Variants in NSD1 observed in about 807,000 individuals in gnomAD.
The protein encoded by NSD1 is histone-lysine N-methyltransferase, H3 lysine-36 specific.
In NSD1, 26 loss-of-function variants were observed where a neutral mutation model predicts 242.7. The observed-to-expected ratio is 0.11, with a 90% CI of 0.08 to 0.15. NSD1 has a LOEUF of 0.15. NSD1 is among the 10% of genes least tolerant of loss of function. NSD1 has a pLI of 1.00. For synonymous variants in NSD1, 1,106 were observed against 1,178.1 expected, an observed-to-expected ratio of 0.94 and a Z score of 1.25; for missense variants, 2,495 against 3,272.8, an observed-to-expected ratio of 0.76 and a Z score of 5.80.
intron 2 of NSD1, among the ~76,000 whole-genome samples, chr5:177,186,058 CATATA>C (rs372844139): frequency 0.047 from 4,541 of 96,570 alleles, 335 homozygotes; most frequent in African/African-American, 0.17. Flanking sequence ...TATAATATAA[CATATA>C]ATATATGTTA....
rs1390945873 is a variant in NSD1 at position 177,297,701 on chromosome 5, T to C, written c.*2242T>C. On this transcript the variant is annotated 3_prime_UTR_variant, in exon 23 of 23. Transcript: ENST00000439151. ...GGGCGTGCAGGCCATGTAAAAATTT[T>C]CCGTGGAGAAGTTTGATTCTAAAGT... 1 of 232,406 alleles carries C rather than the reference T, an allele frequency of 4.3e-6. No homozygotes were observed. The highest frequency in any genetic ancestry group is 8.5e-6 in the Non-Finnish European group (1 of 117,688). 14.4% of individuals were successfully genotyped at this position (232,406 alleles called of 1,614,324 possible).
At position 177,213,630 on chromosome 5, in the gene NSD1, G is replaced by A. The variant is rs182590485; in HGVS notation, c.3796+1435G>A. Among the ~76,000 whole-genome samples, 663 of 152,230 alleles carry A rather than the reference G, an allele frequency of 4.4e-3. 6 individuals carry two copies. The highest frequency in any genetic ancestry group is 0.015 in the African/African-American group (633 of 41,534). On this transcript the variant is annotated intron_variant, in intron 5 of 22. Coordinates refer to ENST00000439151, the MANE Select transcript of NSD1 (RefSeq NM_022455.5). ...CTACAGGCGCCCGCCACCACACCCA[G>A]CTAATTTTTTTTTGTATTTTTAGTA...
intron 7 of NSD1, among the ~76,000 whole-genome samples, chr5:177,239,140 A>T (rs1166951737): frequency 6.6e-6 from 1 of 152,168 alleles, no homozygotes; most frequent in African/African-American, 2.4e-5. Flanking sequence ...TAAATTTTGG[A>T]TATAACTTTT....
intron 8 of NSD1, among the ~76,000 whole-genome samples, chr5:177,243,447 C>A (rs954958741): frequency 1.3e-5 from 2 of 152,146 alleles, no homozygotes. Flanking sequence ...ATCTGCCCCC[C>A]TCGGCCTCCC....
At chr5:177,207,951 ACAGGGTCTGGTTGTGTTACC>A (rs1763030213) in intron 4 of NSD1, among the ~76,000 whole-genome samples, 2 of 150,998 alleles carry the variant, frequency 1.3e-5, no homozygotes, top group Non-Finnish European at 1.5e-5. Flanking sequence ...TTTAGTAGAG[ACAGGGTCTGGTTGTGTTACC>A]CAGGTTGGTC....
intron 5 of NSD1, among the ~76,000 whole-genome samples, chr5:177,228,606 T>C (rs966398377): frequency 6.6e-6 from 1 of 152,036 alleles, no homozygotes; most frequent in African/African-American, 2.4e-5. Flanking sequence ...TCTCTGAGGC[T>C]CCAGAACTAG....
chr5:177,237,462 A>G (rs1765537073), intron 6 of NSD1, among the ~76,000 whole-genome samples: 1 of 149,876 alleles, frequency 6.7e-6, no homozygotes, highest in Admixed American at 6.7e-5. Flanking sequence ...GCTTCAGTGT[A>G]TCTCAGTCAA....
intron 2 of NSD1, among the ~76,000 whole-genome samples, chr5:177,158,458 C>T (rs971025050): frequency 2.6e-5 from 4 of 151,710 alleles, no homozygotes; most frequent in Non-Finnish European, 4.4e-5. Context: ...CTGCCTCAGC[C>T]TCCCAAGTAG....
At position 177,269,636 on chromosome 5, in the gene NSD1, G is replaced by A; in HGVS notation, c.5338G>A (p.Val1780Ile). The stretch of plus-strand genomic sequence containing the variant: ...AGCTGAGATCTGCCATCCTCGAGCT[G>A]TTCCTTCCAACATTGATAAGATGAG... Reference protein sequence around the residue: ...WPAEICHPRAVPSNIDKMRHD... With the variant: ...WPAEICHPRAIPSNIDKMRHD... The change falls in exon 16 of 23, where the codon GTT becomes ATT. Residue 1780 changes from valine to isoleucine, a missense_variant. Transcript: ENST00000439151. The surrounding 1 kb of genome is among the most constrained non-coding windows in gnomAD (Gnocchi z 5.1). 2.5e-6 allele frequency: 4 copies of A among 1,614,042 alleles called. No individual in the cohort carries two copies. The South Asian group carries it at 4.4e-5, about 18-fold the overall frequency.
At chr5:177,165,349 A>G (rs1161106917) in intron 2 of NSD1, among the ~76,000 whole-genome samples, 3 of 151,936 alleles carry the variant, frequency 2.0e-5, no homozygotes, top group Admixed American at 6.6e-5. Flanking sequence ...TTGTATTTTG[A>G]TTAGAGACAG....
At chr5:177,212,920 C>T (rs191211023) in intron 5 of NSD1, among the ~76,000 whole-genome samples, 1 of 152,074 alleles carries the variant, frequency 6.6e-6, no homozygotes, top group Non-Finnish European at 1.5e-5. Flanking sequence ...TGAGCCACTG[C>T]ATCTGGCTGG....
chr5:177,280,887 A>G (rs1435092500), intron 18 of NSD1, 53 bp downstream of exon 18: 6 of 1,566,956 alleles, frequency 3.8e-6, no homozygotes, highest in Non-Finnish European at 5.3e-6. Context: ...GTTGCTTGAT[A>G]TCATTGATCC....
chr5:177,254,003 C>T (rs974236309), intron 12 of NSD1, among the ~76,000 whole-genome samples: 3 of 151,980 alleles, frequency 2.0e-5, no homozygotes, highest in African/African-American at 7.2e-5. Context: ...CACCCGGGCT[C>T]GAGTGCAATG....
intron 2 of NSD1, among the ~76,000 whole-genome samples, chr5:177,164,345 CAG>C (rs1759005685): frequency 6.6e-6 from 1 of 151,706 alleles, no homozygotes; most frequent in South Asian, 2.1e-4. Context: ...TTAGTAGAGA[CAG>C]GGTTTCACCA....
intron 2 of NSD1, among the ~76,000 whole-genome samples, chr5:177,164,733 C>T (rs896774129): frequency 1.3e-5 from 2 of 151,906 alleles, no homozygotes; most frequent in Non-Finnish European, 2.9e-5. Flanking sequence ...CACCTGAGGT[C>T]AGAAGTTCAA....
chr5:177,286,657 G>A (rs534514676), intron 20 of NSD1, among the ~76,000 whole-genome samples: 15 of 152,194 alleles, frequency 9.9e-5, no homozygotes, highest in Non-Finnish European at 2.1e-4. Context: ...GGGTGGAGAG[G>A]TTCCTCTATA....
At chr5:177,255,258 A>G (rs1018541299) in intron 12 of NSD1, among the ~76,000 whole-genome samples, 1 of 151,998 alleles carries the variant, frequency 6.6e-6, no homozygotes, top group Admixed American at 6.6e-5. Context: ...TGAGCTGACA[A>G]CATGCCACTG....
At chr5:177,218,032 C>T (rs928789941) in intron 5 of NSD1, among the ~76,000 whole-genome samples, 3 of 152,080 alleles carry the variant, frequency 2.0e-5, no homozygotes, top group African/African-American at 7.2e-5. Flanking sequence ...CCCACCTTGA[C>T]CTCCCAAGTA....
In NSD1 at chr5:177,209,544, A is replaced by G. The variant is rs1763165130; in HGVS notation, c.1237-92A>G. On this transcript the variant is annotated intron_variant, in intron 4 of 22. Coordinates refer to ENST00000439151, the MANE Select transcript of NSD1 (RefSeq NM_022455.5). ...ACTCTGTCTCAAAAAAAAAAAAAAA[A>G]GGAATAAAAAAAAAAGCTTCTGATT... 46 of 834,762 alleles carry G rather than the reference A, an allele frequency of 5.5e-5. 1 individual carries two copies. Among genetic ancestry groups the G allele is most frequent in the Non-Finnish European group, 3.6e-6 (2 of 555,996 alleles). 51.7% of individuals were successfully genotyped at this position (834,762 alleles called of 1,614,324 possible). A position where few individuals can be genotyped will look rare whatever the true frequency, so the allele number is the denominator to read the frequency against.
Sources: allele counts gnomAD v4.1 joint callset (sites outside exome capture counted in the v4.1 genomes callset), GRCh38; gene constraint gnomAD v4.1.1; non-coding constraint Gnocchi (gnomAD v3.1); transcripts MANE v1.5; gene names NCBI Gene and HGNC (gene_info 2026-07-23, HGNC 2026-07-21).